Variants in KLHL32 observed in about 807,000 individuals in gnomAD.
KLHL32 encodes kelch like family member 32, also known as kelch-like protein 32.
In KLHL32, 35 loss-of-function variants were observed where a neutral mutation model predicts 64.8. The ratio of observed to expected loss-of-function variants is 0.54; its 90% CI spans 0.41 to 0.72. The LOEUF (loss-of-function observed/expected upper bound fraction) is 0.72, where lower values mean the gene tolerates loss of function less well. Among genes scored for constraint, KLHL32 ranks in the 30% least tolerant of loss-of-function variants. The probability of loss-of-function intolerance (pLI) is 0.00; values close to 1 mark genes in which losing one functional copy is unlikely to be tolerated. For synonymous variants in KLHL32, 259 were observed against 281.0 expected, an observed-to-expected ratio of 0.92 and a Z score of 0.78; for missense variants, 589 against 768.5, an observed-to-expected ratio of 0.77 and a Z score of 2.76.
rs149212791 is a variant in KLHL32 at position 96,971,124 on chromosome 6, A to G, written c.23+4041A>G. On this transcript the variant is annotated intron_variant, in intron 2 of 10. Coordinates refer to ENST00000369261, the MANE Select transcript of KLHL32 (RefSeq NM_052904.4). The stretch of plus-strand genomic sequence containing the variant: ...ACTTAGTTGTTTTTAATATGTAAGT[A>G]TGTAACACCTTATTGGTAGTCTTAC... Among the ~76,000 whole-genome samples, 291 of 152,340 alleles carry G rather than the reference A, an allele frequency of 1.9e-3. 2 individuals are homozygous for G. Among genetic ancestry groups the G allele is most frequent in the African/African-American group, 6.8e-3 (284 of 41,578 alleles).
chr6:97,114,796 C>T (rs977245616), intron 7 of KLHL32, among the ~76,000 whole-genome samples: 1 of 152,124 alleles, frequency 6.6e-6, no homozygotes, highest in African/African-American at 2.4e-5. Context: ...CCTGTCAGCT[C>T]TTGATTATTC....
intron 3 of KLHL32, among the ~76,000 whole-genome samples, chr6:97,008,037 G>A (rs1056066563): frequency 7.1e-6 from 1 of 141,484 alleles, no homozygotes; most frequent in Admixed American, 7.4e-5. Flanking sequence ...AAGCAGGGCA[G>A]TGGCATTCCT....
At chr6:97,089,553 C>T (rs2128183994) in intron 6 of KLHL32, among the ~76,000 whole-genome samples, 1 of 152,184 alleles carries the variant, frequency 6.6e-6, no homozygotes, top group South Asian at 2.1e-4. Flanking sequence ...CTGAGGCGGG[C>T]AGATCACTTG....
intron 1 of KLHL32, among the ~76,000 whole-genome samples, chr6:96,957,990 G>GT (rs751386584): frequency 7.9e-5 from 12 of 152,178 alleles, no homozygotes; most frequent in Non-Finnish European, 1.6e-4. Flanking sequence ...GGAGGATTTT[G>GT]TAAGAATAAT....
chr6:96,913,402 T>C, the KLHL32 span, among the ~76,000 whole-genome samples: 2 of 152,194 alleles, frequency 1.3e-5, no homozygotes, highest in Admixed American at 1.3e-4. Context: ...TCACTTTAAA[T>C]GGATACATAC....
rs113810159 is a variant in KLHL32 at position 96,986,336 on chromosome 6, G to A, written c.204+10159G>A. On this transcript the variant is annotated intron_variant, in intron 3 of 10. Transcript: ENST00000369261. ...CAGGGGTCAGGGACCCACTTGAGGA[G>A]GCAGTCTGTCCGTTCTTAGATGTCC... 2.0e-3 allele frequency among the ~76,000 whole-genome samples: 303 copies of A among 152,302 alleles called. 2 individuals carry two copies. The highest frequency in any genetic ancestry group is 7.1e-3 in the African/African-American group (295 of 41,558).
intron 5 of KLHL32, among the ~76,000 whole-genome samples, chr6:97,066,385 C>T (rs549935780): frequency 6.6e-6 from 1 of 152,262 alleles, no homozygotes; most frequent in South Asian, 2.1e-4. Context: ...GGGTATTTTC[C>T]TCTATCCCAT....
At chr6:97,022,393 C>A (rs1782117578) in intron 3 of KLHL32, among the ~76,000 whole-genome samples, 2 of 150,784 alleles carry the variant, frequency 1.3e-5, no homozygotes, top group South Asian at 2.1e-4. Context: ...CCTTCCTTGC[C>A]CTCTGCAGGT....
intron 3 of KLHL32, among the ~76,000 whole-genome samples, chr6:97,012,853 T>G (rs1275215334): frequency 6.6e-6 from 1 of 152,244 alleles, no homozygotes. Context: ...TCAGAAGGAT[T>G]TGACATGTTT....
intron 6 of KLHL32, among the ~76,000 whole-genome samples, chr6:97,103,118 A>C (rs984194427): frequency 6.6e-6 from 1 of 151,990 alleles, no homozygotes. Context: ...ATAAATGTAA[A>C]TATACCACTG....
intron 1 of KLHL32, among the ~76,000 whole-genome samples, chr6:96,955,558 G>A (rs1250448639): frequency 6.6e-6 from 1 of 152,126 alleles, no homozygotes; most frequent in East Asian, 1.9e-4. Context: ...GTTGCATTCA[G>A]TGCAAACATT....
intron 3 of KLHL32, among the ~76,000 whole-genome samples, chr6:97,002,718 A>G (rs1391951105): frequency 1.3e-5 from 2 of 152,206 alleles, no homozygotes; most frequent in Non-Finnish European, 2.9e-5. Context: ...AAGTGAGATC[A>G]CGCAGTATTT....
chr6:97,128,054 T>G (rs1409508883), intron 8 of KLHL32, among the ~76,000 whole-genome samples: 1 of 152,228 alleles, frequency 6.6e-6, no homozygotes, highest in Non-Finnish European at 1.5e-5. Flanking sequence ...ACCTTGGCAA[T>G]TGCCTGCTGA....
intron 6 of KLHL32, among the ~76,000 whole-genome samples, chr6:97,102,552 A>G (rs543654651): frequency 2.6e-5 from 4 of 152,220 alleles, no homozygotes; most frequent in South Asian, 2.1e-4. Flanking sequence ...CATGTCATCA[A>G]TCCAGTATTG....
At chr6:96,977,504 A>G (rs1002059843) in intron 3 of KLHL32, among the ~76,000 whole-genome samples, 2 of 152,214 alleles carry the variant, frequency 1.3e-5, no homozygotes, top group Non-Finnish European at 2.9e-5. Flanking sequence ...ACAAGTGACT[A>G]ATACTTTTGG....
rs1582256232 is a variant in KLHL32, at chr6:97,127,410, T to C, written c.1361T>C (p.Val454Ala). 6.2e-7 allele frequency: 1 copy of C among 1,613,008 alleles called. No individual in the cohort carries two copies. Among genetic ancestry groups the C allele is most frequent in the East Asian group, 2.2e-5 (1 of 44,838 alleles). ...ACATGTTAATCCATTACAGGTGGAG[T>C]AACTAATACGGCACAATATCAGAAC... ...ADGLLWISGG[V>A]TNTAQYQNRL... The change falls in exon 8 of 11, where the codon GTA becomes GCA. Residue 454 changes from valine (V) to alanine (A), a missense_variant. Around this residue, in one of 3 missense-constraint regions of KLHL32, gnomAD observed 226 missense variants for 353.2 expected, o/e 0.64. Transcript: ENST00000369261.
chr6:96,953,356 T>C (rs564988579), intron 1 of KLHL32, among the ~76,000 whole-genome samples: 2 of 152,178 alleles, frequency 1.3e-5, no homozygotes, highest in Admixed American at 1.3e-4. Context: ...CTTGCCAAGC[T>C]TGTTGGCTCA....
intron 6 of KLHL32, among the ~76,000 whole-genome samples, chr6:97,091,413 C>T (rs111320900): frequency 7.6e-4 from 116 of 152,260 alleles, no homozygotes; most frequent in African/African-American, 2.7e-3. Context: ...GCCTGCTCTA[C>T]CCAGCCATGT....
rs1745075161 is a variant in KLHL32, at chr6:97,121,644, TG to T, written c.1355-5759del. ...GGTGTTGTAAAGTTTTGTTTTGTTT[TG>T]TTTTTTTTAATGTCCAAATCGTTGG... On this transcript the variant is annotated intron_variant, in intron 7 of 10. Transcript: ENST00000369261. Among the ~76,000 whole-genome samples, 3 of 152,304 alleles carry T rather than the reference TG, an allele frequency of 2.0e-5. No homozygotes were observed. In the South Asian group the frequency reaches 6.2e-4, roughly 32 times the overall value.
Sources: gnomAD v4.1 joint callset for allele counts (sites outside exome capture counted in the v4.1 genomes callset) on GRCh38, gnomAD v4.1.1 for gene constraint, gnomAD v4.1.1 regional missense constraint, MANE v1.5 for transcripts, NCBI Gene and HGNC (gene_info 2026-07-23, HGNC 2026-07-21) for gene names.